Variants in CNTNAP2 observed in about 807,000 individuals in gnomAD.
CNTNAP2 encodes contactin associated protein 2, also known as contactin-associated protein-like 2.
CNTNAP2 carries 98 observed loss-of-function variants against 155.2 expected under a neutral mutation model. That is an observed-to-expected ratio of 0.63 (90% CI 0.54 to 0.75). The LOEUF (loss-of-function observed/expected upper bound fraction) is 0.75, where lower values mean the gene tolerates loss of function less well. Ranked by LOEUF, CNTNAP2 falls within the 30% of genes least tolerant of loss-of-function variation. The pLI is 0.00. For synonymous variants in CNTNAP2, 651 were observed against 631.2 expected (o/e 1.03, Z -0.47); for missense variants, 1,727 against 1,688.1 (o/e 1.02, Z -0.40).
intron 4 of CNTNAP2, among the ~76,000 whole-genome samples, chr7:147,046,935 A>G (rs560455675): frequency 1.6e-3 from 245 of 149,542 alleles, no homozygotes; most frequent in Non-Finnish European, 2.9e-3. Context: ...AGGAGGCTGA[A>G]GCAGGAGAAT....
rs181932777 is a variant in CNTNAP2 at position 146,209,964 on chromosome 7, C to T, written c.97+92991C>T. Among the ~76,000 whole-genome samples, 560 of 152,204 alleles carry T rather than the reference C, an allele frequency of 3.7e-3. 2 individuals are homozygous for T. The highest frequency in any genetic ancestry group is 6.8e-3 in the Middle Eastern group (2 of 294). ...TTCAACAAGAAGAAAACTTACTGTA[C>T]AGGGCCTGGCTGCTGTGTGCTCCCC... is the stretch of plus-strand genomic sequence containing the variant. On this transcript the variant is annotated intron_variant, in intron 1 of 23. Transcript: ENST00000361727.
At chr7:147,591,969 T>G (rs2116845095) in intron 12 of CNTNAP2, among the ~76,000 whole-genome samples, 1 of 152,370 alleles carries the variant, frequency 6.6e-6, no homozygotes, top group Middle Eastern at 3.4e-3. Flanking sequence ...CATGGCTCAA[T>G]GTCATCTATG....
At chr7:146,230,318 G>A (rs1364546739) in intron 1 of CNTNAP2, among the ~76,000 whole-genome samples, 1 of 152,106 alleles carries the variant, frequency 6.6e-6, no homozygotes, top group South Asian at 2.1e-4. Context: ...GAACAGGAAA[G>A]CATAAATGTC....
intron 8 of CNTNAP2, among the ~76,000 whole-genome samples, chr7:147,149,884 TGAGAAATAGTTAAAA>T (rs1291533449): frequency 6.6e-6 from 1 of 152,160 alleles, no homozygotes; most frequent in African/African-American, 2.4e-5. Context: ...TTGGAGGATG[TGAGAAATAGTTAAAA>T]GATATAACTA....
At chr7:148,052,739 C>T (rs1802917429) in intron 15 of CNTNAP2, among the ~76,000 whole-genome samples, 1 of 152,250 alleles carries the variant, frequency 6.6e-6, no homozygotes, top group African/African-American at 2.4e-5. Context: ...AGCCGTATAA[C>T]AGTATTCCTT....
intron 10 of CNTNAP2, among the ~76,000 whole-genome samples, chr7:147,443,534 T>G: frequency 6.6e-6 from 1 of 152,162 alleles, no homozygotes; most frequent in Non-Finnish European, 1.5e-5. Flanking sequence ...CATTTGGTTT[T>G]TGGTCCTTAG....
chr7:146,610,703 C>T (rs1006202621), intron 1 of CNTNAP2, among the ~76,000 whole-genome samples: 3 of 152,056 alleles, frequency 2.0e-5, no homozygotes, highest in Non-Finnish European at 2.9e-5. Context: ...CTAATGGTTC[C>T]GGTTGTTTTA....
chr7:146,975,184 G>T (rs904793762), intron 3 of CNTNAP2, among the ~76,000 whole-genome samples: 1 of 152,026 alleles, frequency 6.6e-6, no homozygotes, highest in Admixed American at 6.6e-5. Flanking sequence ...GTAGCTCACG[G>T]CTGGGCGCGT....
intron 3 of CNTNAP2, among the ~76,000 whole-genome samples, chr7:146,930,771 G>T (rs1414245506): frequency 2.0e-5 from 3 of 152,046 alleles, no homozygotes; most frequent in South Asian, 4.2e-4. Flanking sequence ...ACAAAAAAAG[G>T]CAGGGTTTGC....
intron 1 of CNTNAP2, among the ~76,000 whole-genome samples, chr7:146,247,707 T>C (rs369513514): frequency 1.3e-5 from 2 of 152,166 alleles, no homozygotes; most frequent in Non-Finnish European, 2.9e-5. Flanking sequence ...CGAGTTTGTA[T>C]TGGGGTCAAG....
chr7:148,387,841 T>C (rs572706796), intron 22 of CNTNAP2, among the ~76,000 whole-genome samples: 4 of 152,270 alleles, frequency 2.6e-5, no homozygotes, highest in Non-Finnish European at 5.9e-5. Flanking sequence ...GAATAGGGGC[T>C]GGGTAAAATA....
chr7:147,996,587 G>A (rs182579894), intron 15 of CNTNAP2, among the ~76,000 whole-genome samples: 1 of 152,112 alleles, frequency 6.6e-6, no homozygotes, highest in Non-Finnish European at 1.5e-5. Flanking sequence ...GTTGCTATGG[G>A]AATAAAATGA....
chr7:146,308,985 T>TAAAG (rs994679300), intron 1 of CNTNAP2, among the ~76,000 whole-genome samples: 1 of 152,042 alleles, frequency 6.6e-6, no homozygotes, highest in African/African-American at 2.4e-5. Context: ...ATAATAATAA[T>TAAAG]AAAGAAAGAA....
intron 3 of CNTNAP2, among the ~76,000 whole-genome samples, chr7:146,849,994 C>T (rs1343429260): frequency 1.3e-5 from 2 of 152,186 alleles, no homozygotes; most frequent in Non-Finnish European, 2.9e-5. Flanking sequence ...CTTATGCATA[C>T]TGTTTTCCAG....
intron 1 of CNTNAP2, among the ~76,000 whole-genome samples, chr7:146,305,300 A>T (rs1449404316): frequency 6.6e-6 from 1 of 152,122 alleles, no homozygotes; most frequent in Non-Finnish European, 1.5e-5. Flanking sequence ...TTCTCCGTCC[A>T]GTTTTGTTCC....
At position 147,849,286 on chromosome 7, in the gene CNTNAP2, A is replaced by G. The variant is rs544493172; in HGVS notation, c.2099-54279A>G. The stretch of plus-strand genomic sequence containing the variant: ...ATGTGTTTCAATAAACACGATTATG[A>G]ATGTTAATATACCAACAGATTGAGT... On this transcript the variant is annotated intron_variant, in intron 13 of 23. Coordinates refer to ENST00000361727, the MANE Select transcript of CNTNAP2 (RefSeq NM_014141.6). Among the ~76,000 whole-genome samples, 10 of 152,362 alleles carry G rather than the reference A, an allele frequency of 6.6e-5. No individual in the cohort carries two copies. In the East Asian group the frequency reaches 9.6e-4, roughly 15 times the overall value.
intron 4 of CNTNAP2, among the ~76,000 whole-genome samples, chr7:147,079,859 C>T (rs372264822): frequency 1.8e-4 from 27 of 151,886 alleles, no homozygotes; most frequent in African/African-American, 3.4e-4. Context: ...GTCTGTAAGC[C>T]GCGAGACTTA....
chr7:146,465,122 T>G (rs1563094490), intron 1 of CNTNAP2, among the ~76,000 whole-genome samples: 1 of 151,652 alleles, frequency 6.6e-6, no homozygotes, highest in Non-Finnish European at 1.5e-5. Context: ...AGTCTAAACA[T>G]ACACACACAC....
intron 15 of CNTNAP2, among the ~76,000 whole-genome samples, chr7:147,984,547 G>GA (rs752306066): frequency 8.6e-5 from 13 of 151,310 alleles, no homozygotes; most frequent in South Asian, 4.2e-4. Context: ...AAAATGGGAA[G>GA]AAAAAAAAAT....
Sources: gnomAD v4.1 joint callset for allele counts (sites outside exome capture counted in the v4.1 genomes callset) on GRCh38, gnomAD v4.1.1 for gene constraint, MANE v1.5 for transcripts, NCBI Gene and HGNC (gene_info 2026-07-23, HGNC 2026-07-21) for gene names.